PPP2R2B: variants seen among roughly 807,000 people sequenced by gnomAD.
PPP2R2B encodes the protein serine/threonine-protein phosphatase 2A 55 kDa regulatory subunit B beta isoform.
A neutral mutation model predicts 46.0 loss-of-function variants in PPP2R2B; 5 were observed. The observed-to-expected ratio is 0.11, with a 90% CI of 0.06 to 0.23. PPP2R2B has a LOEUF of 0.23. Among genes scored for constraint, PPP2R2B ranks in the 10% least tolerant of loss-of-function variants. The pLI, the probability that PPP2R2B is intolerant of heterozygous loss-of-function variation, is 1.00. For synonymous variants in PPP2R2B, 215 were observed against 206.7 expected (o/e 1.04, Z -0.34); for missense variants, 367 against 575.0 (o/e 0.64, Z 3.70).
At chr5:146,928,229 C>T (rs1763849570) in intron 1 of PPP2R2B, among the ~76,000 whole-genome samples, 1 of 148,216 alleles carries the variant, frequency 6.7e-6, no homozygotes, top group African/African-American at 2.4e-5. Flanking sequence ...CATCGATTTT[C>T]ATGATTTTAA....
At chr5:146,629,294 T>C (rs750827488) in intron 7 of PPP2R2B, among the ~76,000 whole-genome samples, 1 of 152,174 alleles carries the variant, frequency 6.6e-6, no homozygotes, top group Non-Finnish European at 1.5e-5. Context: ...CTCGTTTCAG[T>C]GTATGGTACC....
intron 1 of PPP2R2B, among the ~76,000 whole-genome samples, chr5:146,964,323 TATAA>T (rs1463673712): frequency 6.6e-6 from 1 of 152,162 alleles, no homozygotes; most frequent in African/African-American, 2.4e-5. Context: ...TTTGGCAAAA[TATAA>T]ATACTCTAAT....
intron 1 of PPP2R2B, among the ~76,000 whole-genome samples, chr5:146,923,089 C>T (rs1763662021): frequency 1.3e-5 from 2 of 152,148 alleles, no homozygotes; most frequent in Admixed American, 6.5e-5. Context: ...GCTTTGACAG[C>T]TCCAGGTTTT....
intron 1 of PPP2R2B, among the ~76,000 whole-genome samples, chr5:146,911,495 C>A (rs550553805): frequency 2.6e-5 from 4 of 152,300 alleles, no homozygotes; most frequent in African/African-American, 9.6e-5. Flanking sequence ...GAGCAGAGAC[C>A]TTTCTGCTTT....
At chr5:146,861,997 C>T (rs1470747463) in intron 2 of PPP2R2B, among the ~76,000 whole-genome samples, 1 of 151,984 alleles carries the variant, frequency 6.6e-6, no homozygotes, top group Non-Finnish European at 1.5e-5. Flanking sequence ...TAAATACCTG[C>T]TGAATGGTTA....
intron 1 of PPP2R2B, among the ~76,000 whole-genome samples, chr5:146,910,593 GGTGTA>G (rs1233662719): frequency 6.6e-6 from 1 of 152,134 alleles, no homozygotes; most frequent in Non-Finnish European, 1.5e-5. Flanking sequence ...TCTTCATGGT[GGTGTA>G]GTAAGGATAA....
intron 2 of PPP2R2B, among the ~76,000 whole-genome samples, chr5:146,704,782 T>A (rs1052555458): frequency 6.6e-6 from 1 of 152,216 alleles, no homozygotes; most frequent in Non-Finnish European, 1.5e-5. Context: ...AGACTGGTAA[T>A]TTCATACATA....
chr5:147,002,832 G>A (rs187729427), intron 1 of PPP2R2B, among the ~76,000 whole-genome samples: 16 of 152,180 alleles, frequency 1.1e-4, no homozygotes, highest in South Asian at 8.3e-4. Flanking sequence ...AGGTTTTTGC[G>A]CAGGGGGAGA....
chr5:146,650,766 T>G, intron 5 of PPP2R2B, 42 bp from the exon 6 acceptor site: 1 of 1,573,012 alleles, frequency 6.4e-7, no homozygotes, highest in Non-Finnish European at 8.7e-7. Flanking sequence ...ACCAAAGATC[T>G]TCCATAGGAA....
At chr5:146,982,418 AT>A (rs1753219483) in intron 1 of PPP2R2B, among the ~76,000 whole-genome samples, 1 of 152,156 alleles carries the variant, frequency 6.6e-6, no homozygotes, top group African/African-American at 2.4e-5. Flanking sequence ...CCTCCATATG[AT>A]TTTAATTCTT....
At chr5:147,046,661 T>C (rs554066247) in intron 1 of PPP2R2B, among the ~76,000 whole-genome samples, 2 of 152,262 alleles carry the variant, frequency 1.3e-5, no homozygotes, top group African/African-American at 4.8e-5. Flanking sequence ...GTCAAGGTGA[T>C]GTAGGTTGAA....
At chr5:146,834,499 C>A (rs1759154958) in intron 2 of PPP2R2B, among the ~76,000 whole-genome samples, 1 of 152,200 alleles carries the variant, frequency 6.6e-6, no homozygotes, top group Non-Finnish European at 1.5e-5. Flanking sequence ...TCATCTAGCA[C>A]CTTTGTCATT....
chr5:146,763,668 C>T (rs1754299026), intron 2 of PPP2R2B, among the ~76,000 whole-genome samples: 1 of 152,146 alleles, frequency 6.6e-6, no homozygotes, highest in African/African-American at 2.4e-5. Flanking sequence ...GAATGCTTAC[C>T]AAGCACCTGT....
chr5:146,984,104 T>A (rs1438413084), intron 1 of PPP2R2B, among the ~76,000 whole-genome samples: 1 of 152,208 alleles, frequency 6.6e-6, no homozygotes, highest in Non-Finnish European at 1.5e-5. Context: ...CATTTGAAAT[T>A]TACTCTCTTG....
chr5:146,761,863 A>G (rs1754185783), intron 2 of PPP2R2B, among the ~76,000 whole-genome samples: 1 of 152,090 alleles, frequency 6.6e-6, no homozygotes, highest in Admixed American at 6.5e-5. Flanking sequence ...TGGCTTGATG[A>G]GGGATAAAAA....
chr5:146,762,835 A>G (rs1754246997), intron 2 of PPP2R2B, among the ~76,000 whole-genome samples: 1 of 152,220 alleles, frequency 6.6e-6, no homozygotes, highest in African/African-American at 2.4e-5. Context: ...GGCGACTAGC[A>G]TCATTGTCCT....
intron 2 of PPP2R2B, among the ~76,000 whole-genome samples, chr5:146,796,683 A>G (rs1756560122): frequency 1.3e-5 from 2 of 152,208 alleles, no homozygotes; most frequent in African/African-American, 4.8e-5. Context: ...TCCTATTTAC[A>G]AACCTAGGGT....
At position 146,584,773 on chromosome 5, in the gene PPP2R2B, A is replaced by G. The variant is rs1581642452; in HGVS notation, c.*5174T>C. On this transcript the variant is annotated 3_prime_UTR_variant, in exon 10 of 10. Transcript: ENST00000394411. ...TATTTGTTATTGGATGAACAAAAGG[A>G]AAAAGGGGTAGGCTAGTTCTAGTAT... is the stretch of plus-strand genomic sequence containing the variant. The G allele has an allele frequency of 6.6e-6, 1 of 152,184 alleles. No individual in the cohort carries two copies. Among genetic ancestry groups the G allele is most frequent in the African/African-American group, 2.4e-5 (1 of 41,446 alleles). 9.4% of individuals were successfully genotyped at this position (152,184 alleles called of 1,614,324 possible).
chr5:147,052,405 C>T (rs1339887104), intron 1 of PPP2R2B, among the ~76,000 whole-genome samples: 1 of 152,104 alleles, frequency 6.6e-6, no homozygotes, highest in Non-Finnish European at 1.5e-5. Flanking sequence ...GTCCTGCTTC[C>T]AGTACAGCAG....
Sources: gnomAD v4.1 joint callset for allele counts (sites outside exome capture counted in the v4.1 genomes callset) on GRCh38, gnomAD v4.1.1 for gene constraint, MANE v1.5 for transcripts, NCBI Gene and HGNC (gene_info 2026-07-23, HGNC 2026-07-21) for gene names.